Variants in HTR1F observed in about 807,000 individuals in gnomAD.
HTR1F encodes the protein 5-hydroxytryptamine receptor 1F.
In HTR1F, 17 loss-of-function variants were observed where a neutral mutation model predicts 24.0. The ratio of observed to expected loss-of-function variants is 0.71; its 90% confidence interval spans 0.48 to 1.06. The LOEUF (loss-of-function observed/expected upper bound fraction) is 1.06. HTR1F is among the 50% of genes least tolerant of loss of function. The pLI, the probability that HTR1F is intolerant of heterozygous loss-of-function variation, is 0.00. For missense variants in HTR1F, 391 were observed against 427.8 expected (o/e 0.91, Z 0.76); for synonymous variants, 186 against 156.8 (o/e 1.19, Z -1.39).
chr3:87,983,033 G>C (rs1377429099), intron 2 of HTR1F, among the ~76,000 whole-genome samples: 9 of 152,128 alleles, frequency 5.9e-5, no homozygotes, highest in African/African-American at 2.2e-4. Context: ...TTTTGCTTAT[G>C]AAATGGATGG....
chr3:87,838,481 G>A (rs1295371163), intron 2 of HTR1F, among the ~76,000 whole-genome samples: 7 of 151,846 alleles, frequency 4.6e-5, no homozygotes, highest in Non-Finnish European at 1.0e-4. Context: ...TACATGAATC[G>A]AATAATATAG....
intron 2 of HTR1F, among the ~76,000 whole-genome samples, chr3:87,939,770 C>T (rs1256580261): frequency 6.6e-6 from 1 of 152,100 alleles, no homozygotes; most frequent in Non-Finnish European, 1.5e-5. Context: ...CTTGATTAGT[C>T]TGCTAACAGT....
intron 2 of HTR1F, among the ~76,000 whole-genome samples, chr3:87,901,437 T>C (rs953524168): frequency 1.3e-4 from 20 of 151,966 alleles, no homozygotes; most frequent in African/African-American, 3.4e-4. Flanking sequence ...TTAGAAGAAA[T>C]AACCATGCTG....
chr3:87,867,737 A>C (rs562220513), intron 2 of HTR1F, among the ~76,000 whole-genome samples: 179 of 152,274 alleles, frequency 1.2e-3, no homozygotes, highest in Non-Finnish European at 2.2e-3. Flanking sequence ...TATTACTAAA[A>C]GTGTTCTAAT....
chr3:87,900,893 G>A (rs570550950), intron 2 of HTR1F, among the ~76,000 whole-genome samples: 2 of 152,252 alleles, frequency 1.3e-5, no homozygotes, highest in South Asian at 4.2e-4. Flanking sequence ...GAAATTTTAA[G>A]TAGATAGTTG....
chr3:87,940,438 T>A (rs574261155), intron 2 of HTR1F, among the ~76,000 whole-genome samples: 1 of 152,284 alleles, frequency 6.6e-6, no homozygotes, highest in East Asian at 1.9e-4. Flanking sequence ...GAATACAACT[T>A]ACAAGGGATG....
intron 2 of HTR1F, among the ~76,000 whole-genome samples, chr3:87,848,017 T>C (rs13067376): frequency 6.6e-6 from 1 of 151,970 alleles, no homozygotes; most frequent in South Asian, 2.1e-4. Context: ...TATTTTCCTT[T>C]GGATAATCAA....
At chr3:87,920,637 T>A (rs1447786750) in intron 2 of HTR1F, among the ~76,000 whole-genome samples, 1 of 151,884 alleles carries the variant, frequency 6.6e-6, no homozygotes, top group African/African-American at 2.4e-5. Context: ...GAAAACCAAA[T>A]ATCATATGTT....
chr3:87,858,833 C>T (rs1046234457), intron 2 of HTR1F, among the ~76,000 whole-genome samples: 2 of 152,078 alleles, frequency 1.3e-5, no homozygotes, highest in African/African-American at 4.8e-5. Context: ...TTTACAAATC[C>T]GGCTGCAGAA....
chr3:87,818,599 TC>T (rs780997032), intron 1 of HTR1F, among the ~76,000 whole-genome samples: 4 of 152,172 alleles, frequency 2.6e-5, no homozygotes, highest in Non-Finnish European at 5.9e-5. Flanking sequence ...GATAGGCTCC[TC>T]CACGGCCCCT....
intron 2 of HTR1F, among the ~76,000 whole-genome samples, chr3:87,973,574 T>A (rs1250550900): frequency 6.6e-6 from 1 of 152,212 alleles, no homozygotes; most frequent in Non-Finnish European, 1.5e-5. Context: ...ATATAATGCA[T>A]AGGCTACTTT....
At chr3:87,947,256 T>G (rs781388817) in intron 2 of HTR1F, among the ~76,000 whole-genome samples, 3 of 152,200 alleles carry the variant, frequency 2.0e-5, no homozygotes, top group Non-Finnish European at 1.5e-5. Flanking sequence ...CAATGCTAAA[T>G]AGAAGTCTTT....
chr3:87,890,541 CTTTT>C (rs79894798), intron 2 of HTR1F, among the ~76,000 whole-genome samples: 2 of 134,574 alleles, frequency 1.5e-5, no homozygotes, highest in Admixed American at 7.5e-5. Flanking sequence ...CTCCTGATGC[CTTTT>C]TTTTTTTTTT....
chr3:87,956,568 A>G (rs866280095), intron 2 of HTR1F, among the ~76,000 whole-genome samples: 13 of 151,398 alleles, frequency 8.6e-5, no homozygotes, highest in Admixed American at 6.6e-4. Flanking sequence ...TGTGGAATCT[A>G]TAGATAAATT....
chr3:87,923,889 G>A (rs1576036088), intron 2 of HTR1F, among the ~76,000 whole-genome samples: 1 of 151,844 alleles, frequency 6.6e-6, no homozygotes, highest in Non-Finnish European at 1.5e-5. Flanking sequence ...GTTGGATTTG[G>A]CTTGCTAGTA....
intron 2 of HTR1F, among the ~76,000 whole-genome samples, chr3:87,969,908 A>G (rs1705250455): frequency 6.6e-6 from 1 of 152,210 alleles, no homozygotes; most frequent in Non-Finnish European, 1.5e-5. Context: ...ATGGTAGTAA[A>G]TAAGTGTCAA....
At chr3:87,822,263 G>C (rs1181939894) in intron 2 of HTR1F, among the ~76,000 whole-genome samples, 139 bp downstream of exon 2, 1 of 152,152 alleles carries the variant, frequency 6.6e-6, no homozygotes, top group East Asian at 1.9e-4. Context: ...TCCAGGAAAG[G>C]CCAGAGCCAC....
At chr3:87,797,946 G>A (rs1315577625) in intron 1 of HTR1F, among the ~76,000 whole-genome samples, 1 of 152,120 alleles carries the variant, frequency 6.6e-6, no homozygotes, top group African/African-American at 2.4e-5. Flanking sequence ...GTAAGAGAGG[G>A]AACTAGCAGG....
At chr3:87,919,894 T>G (rs1703974150) in intron 2 of HTR1F, among the ~76,000 whole-genome samples, 2 of 151,820 alleles carry the variant, frequency 1.3e-5, no homozygotes, top group Admixed American at 1.3e-4. Context: ...AAGGGAGTCA[T>G]TACACGAAAA....
Sources: allele counts gnomAD v4.1 joint callset (sites outside exome capture counted in the v4.1 genomes callset), GRCh38; gene constraint gnomAD v4.1.1; transcripts MANE v1.5; gene names NCBI Gene and HGNC (gene_info 2026-07-23, HGNC 2026-07-21).